Variants in PRIMA1 observed in about 807,000 individuals in gnomAD.
PRIMA1 encodes the protein proline rich membrane anchor 1, also known as proline-rich membrane anchor 1.
In PRIMA1, 7 loss-of-function variants were observed where a neutral mutation model predicts 17.5. That is an observed-to-expected ratio of 0.40 (90% CI 0.23 to 0.75). PRIMA1 has a LOEUF of 0.75. PRIMA1 is among the 30% of genes least tolerant of loss of function. The pLI, the probability that PRIMA1 is intolerant of heterozygous loss-of-function variation, is 0.37. For synonymous variants in PRIMA1, 97 were observed against 77.9 expected (o/e 1.25, Z -1.29); for missense variants, 200 against 201.8 (o/e 0.99, Z 0.05).
At chr14:93,734,750 C>A (rs1004079545) in intron 4 of PRIMA1, among the ~76,000 whole-genome samples, 2 of 152,112 alleles carry the variant, frequency 1.3e-5, no homozygotes, top group African/African-American at 4.8e-5. Context: ...GGTGGAGCCC[C>A]GCCCCTGCCC....
chr14:93,726,932 T>C lies in PRIMA1; in HGVS notation c.360-5386A>G, dbSNP rs372935711. On this transcript the variant is annotated intron_variant, in intron 4 of 4. Coordinates refer to ENST00000393140, the MANE Select transcript of PRIMA1 (RefSeq NM_178013.4). The surrounding 1 kb of genome is among the most constrained non-coding windows in gnomAD (Gnocchi z 4.2). ...ATGCATATGCATACCTACAGACATA[T>C]ATCCCCACACTCATATACACACACA... Among the ~76,000 whole-genome samples the C allele has an allele frequency of 3.7e-4, 57 of 152,240 alleles. 1 individual carries two copies. The East Asian group carries it at 9.8e-3, about 26-fold the overall frequency.
chr14:93,775,051 A>G (rs983228700), intron 3 of PRIMA1, among the ~76,000 whole-genome samples: 1 of 152,218 alleles, frequency 6.6e-6, no homozygotes, highest in Admixed American at 6.5e-5. Context: ...GCTGATGTGG[A>G]TAAGTCCCTG....
chr14:93,756,085 T>C (rs1419673445), intron 3 of PRIMA1, among the ~76,000 whole-genome samples: 1 of 152,194 alleles, frequency 6.6e-6, no homozygotes, highest in Non-Finnish European at 1.5e-5. Context: ...ATCTGGATTT[T>C]TTTTTAAGTC....
intron 3 of PRIMA1, among the ~76,000 whole-genome samples, chr14:93,754,301 C>T (rs897913685): frequency 6.6e-6 from 1 of 152,128 alleles, no homozygotes; most frequent in Admixed American, 6.5e-5. Context: ...GATTCTGGGA[C>T]AATCTGACCC....
intron 3 of PRIMA1, among the ~76,000 whole-genome samples, chr14:93,757,955 A>C (rs764377926): frequency 1.6e-4 from 25 of 152,268 alleles, no homozygotes; most frequent in South Asian, 2.1e-4. Context: ...GGAGCCGATG[A>C]TGCTTTGATG....
At chr14:93,722,673 T>C (rs370222647) in intron 4 of PRIMA1, among the ~76,000 whole-genome samples, 2 of 146,814 alleles carry the variant, frequency 1.4e-5, no homozygotes, top group South Asian at 2.2e-4. Context: ...GCGGTAATGA[T>C]GATGGGGTGA....
intron 4 of PRIMA1, among the ~76,000 whole-genome samples, chr14:93,728,241 A>G (rs2076092311): frequency 6.6e-6 from 1 of 152,206 alleles, no homozygotes; most frequent in Non-Finnish European, 1.5e-5. Flanking sequence ...ACCTGGCACC[A>G]GGTTGGTAGT....
Position 93,787,652 on chromosome 14 carries a change from G to C in PRIMA1, c.67C>G (p.Leu23Val). 6.5e-7 allele frequency: 1 copy of C among 1,543,000 alleles called. No individual in the cohort carries two copies. The highest frequency in any genetic ancestry group is 8.7e-7 in the Non-Finnish European group (1 of 1,146,816). The change falls in exon 2 of 5, where the codon CTC becomes GTC. Residue 23 changes from leucine (L) to valine (V), a missense_variant. Transcript: ENST00000393140. ...CWSSLLLHCA[L>V]HPLWGFVQVT... ...TGCACGAAGCCCCAGAGCGGGTGGA[G>C]CGCGCAGTGCAGCAGCAGCGAGGAC...
chr14:93,732,831 G>C (rs1014832699), intron 4 of PRIMA1, among the ~76,000 whole-genome samples: 11 of 149,252 alleles, frequency 7.4e-5, no homozygotes, highest in African/African-American at 2.8e-4. Flanking sequence ...AGCCCGGCGG[G>C]GCTGGGGCTG....
At chr14:93,774,677 C>G (rs1439054270) in intron 3 of PRIMA1, among the ~76,000 whole-genome samples, 1 of 152,186 alleles carries the variant, frequency 6.6e-6, no homozygotes, top group African/African-American at 2.4e-5. Flanking sequence ...TTCCCAAATC[C>G]GTCCTCCCTG....
intron 3 of PRIMA1, among the ~76,000 whole-genome samples, chr14:93,760,936 C>G (rs1004362464): frequency 3.9e-5 from 6 of 152,070 alleles, no homozygotes; most frequent in Non-Finnish European, 8.8e-5. Context: ...CTCTTACTAC[C>G]CCCACCCCAA....
intron 3 of PRIMA1, among the ~76,000 whole-genome samples, chr14:93,775,121 C>T (rs1051806887): frequency 6.6e-6 from 1 of 152,068 alleles, no homozygotes. Context: ...AGGTGCCTGG[C>T]AAATGCTCGC....
rs1374745048 is a variant in PRIMA1 at position 93,726,514 on chromosome 14, AC to A, written c.360-4969del. Among the ~76,000 whole-genome samples the A allele has an allele frequency of 6.6e-6, 1 of 152,028 alleles. No homozygotes were observed. Among genetic ancestry groups the A allele is most frequent in the Non-Finnish European group, 1.5e-5 (1 of 67,992 alleles). ...ATACACACACATGAACCTGCGTAAC[AC>A]ACACAGGCACGTACACATAGACACA... On this transcript the variant is annotated intron_variant, in intron 4 of 4. Coordinates refer to ENST00000393140, the MANE Select transcript of PRIMA1 (RefSeq NM_178013.4). The surrounding 1 kb of genome is among the most constrained non-coding windows in gnomAD (Gnocchi z 4.2).
In PRIMA1 at chr14:93,726,165, C is replaced by T. The variant is rs1198065262; in HGVS notation, c.360-4619G>A. Among the ~76,000 whole-genome samples the T allele has an allele frequency of 6.6e-6, 1 of 152,164 alleles. No individual in the cohort carries two copies. The highest frequency in any genetic ancestry group is 1.5e-5 in the Non-Finnish European group (1 of 68,014). ...TTCCCTGCTCGGAGTGCCGCGCGGACAGCTCCAGCCGCACATGCCAGCAGC... is the reference window on the plus strand; with the variant it reads ...TTCCCTGCTCGGAGTGCCGCGCGGATAGCTCCAGCCGCACATGCCAGCAGC... On this transcript the variant is annotated intron_variant, in intron 4 of 4. Coordinates refer to ENST00000393140, the MANE Select transcript of PRIMA1 (RefSeq NM_178013.4). This position sits in a 1 kb window ranked among gnomAD's most constrained non-coding sequence, Gnocchi z 4.2.
At chr14:93,768,026 T>C (rs1884944937) in intron 3 of PRIMA1, among the ~76,000 whole-genome samples, 2 of 152,110 alleles carry the variant, frequency 1.3e-5, no homozygotes, top group Non-Finnish European at 2.9e-5. Flanking sequence ...CTGAAGACCT[T>C]TTACATTCTA....
At chr14:93,725,459 C>T (rs559621342) in intron 4 of PRIMA1, among the ~76,000 whole-genome samples, 32 of 152,088 alleles carry the variant, frequency 2.1e-4, no homozygotes, top group Non-Finnish European at 4.0e-4. Flanking sequence ...ACCTCTGCAC[C>T]CCCCCAACTC....
In PRIMA1 at chr14:93,721,408, G is replaced by T; in HGVS notation, c.*36C>A. 7.2e-7 allele frequency: 1 copy of T among 1,388,322 alleles called. No homozygotes were observed. The highest frequency in any genetic ancestry group is 1.0e-6 in the Non-Finnish European group (1 of 976,798). 86.0% of individuals were successfully genotyped at this position (1,388,322 alleles called of 1,614,324 possible). On this transcript the variant is annotated 3_prime_UTR_variant, in exon 5 of 5. Transcript: ENST00000393140. ...TCCCATGTCCACCAGTGCCACCAAG[G>T]TGTCCCTCTGGCCAGCGGGTCCAGG...
chr14:93,748,791 C>T (rs765951534), intron 3 of PRIMA1, among the ~76,000 whole-genome samples: 32 of 151,958 alleles, frequency 2.1e-4, no homozygotes, highest in Non-Finnish European at 4.4e-4. Context: ...AGGCTCGGCT[C>T]CTGAGGGGAC....
intron 4 of PRIMA1, among the ~76,000 whole-genome samples, chr14:93,723,198 C>T (rs2076053704): frequency 6.6e-6 from 1 of 152,190 alleles, no homozygotes; most frequent in Non-Finnish European, 1.5e-5. Flanking sequence ...CCCCACGGGG[C>T]TGTAGCCCAG....
Sources: allele counts gnomAD v4.1 joint callset (sites outside exome capture counted in the v4.1 genomes callset), GRCh38; gene constraint gnomAD v4.1.1; non-coding constraint Gnocchi (gnomAD v3.1); transcripts MANE v1.5; gene names NCBI Gene and HGNC (gene_info 2026-07-23, HGNC 2026-07-21).